Variants in CNP observed in about 807,000 individuals in gnomAD.
The protein encoded by CNP is 2',3'-cyclic-nucleotide 3'-phosphodiesterase.
A neutral mutation model predicts 37.9 loss-of-function variants in CNP; 8 were observed. The observed-to-expected ratio is 0.21, with a 90% CI of 0.12 to 0.38. The LOEUF (loss-of-function observed/expected upper bound fraction) is 0.38, where lower values mean the gene tolerates loss of function less well. Among genes scored for constraint, CNP ranks in the 10% least tolerant of loss-of-function variants. CNP has a pLI of 1.00. For missense variants in CNP, 457 were observed against 551.0 expected, an observed-to-expected ratio of 0.83 and a Z score of 1.71; for synonymous variants, 237 against 238.3, an observed-to-expected ratio of 0.99 and a Z score of 0.05.
intron 3 of CNP, 99 bp downstream of exon 3, chr17:41,972,130 A>G (rs2050999423): frequency 1.4e-6 from 2 of 1,439,924 alleles, no homozygotes; most frequent in African/African-American, 1.4e-5. Flanking sequence ...GCAGGGACCA[A>G]AAACCAGATG....
intron 1 of CNP, chr17:41,967,547 C>T (rs2144556811): frequency 3.9e-6 from 2 of 507,818 alleles, no homozygotes; most frequent in Non-Finnish European, 5.1e-6. Flanking sequence ...CAGTGCTCTC[C>T]TGCCCTGCCC....
At chr17:41,970,960 C>G (rs2050978300) in intron 2 of CNP, 1 of 152,214 alleles carries the variant, frequency 6.6e-6, no homozygotes, top group Non-Finnish European at 1.5e-5. Context: ...CCTTCCTGTA[C>G]CAGGAGGCCC....
Position 41,971,935 on chromosome 17 carries a change from C to G in CNP, c.720C>G (p.Thr240=). The G allele has an allele frequency of 6.2e-7, 1 of 1,613,896 alleles. No homozygotes were observed. The highest frequency in any genetic ancestry group is 8.5e-7 in the Non-Finnish European group (1 of 1,179,934). Residue 240 remains threonine (T), a synonymous_variant, in exon 3 of 4, where the codon ACC becomes ACG. Coordinates refer to ENST00000393892, the MANE Select transcript of CNP (RefSeq NM_033133.5). ...DEPREKMDLV[T]YFGKRPPGVL... is the part of the protein sequence containing the mutation. ...CCAGGGAGAAGATGGACTTGGTCAC[C>G]TACTTTGGAAAGAGACCCCCAGGCG...
In CNP at chr17:41,968,313, T is replaced by A. The variant is rs1555643227; in HGVS notation, c.249T>A (p.Ala83=). 6.2e-7 allele frequency: 1 copy of A among 1,614,108 alleles called. No individual in the cohort carries two copies. The highest frequency in any genetic ancestry group is 1.1e-5 in the South Asian group (1 of 91,070). Reference sequence around the variant, plus strand: ...GTGATGGCACCAAGATGGTGTCGGCTGACGCTTACAAGATCACCCCCGGCG... The same window carrying A: ...GTGATGGCACCAAGATGGTGTCGGCAGACGCTTACAAGATCACCCCCGGCG... ...KYRDGTKMVS[A]DAYKITPGAR... Residue 83 remains alanine (A), a synonymous_variant, in exon 2 of 4, where the codon GCT becomes GCA. Coordinates refer to ENST00000393892, the MANE Select transcript of CNP (RefSeq NM_033133.5). The surrounding 1 kb of genome is among the most constrained non-coding windows in gnomAD (Gnocchi z 4.8).
Position 41,973,590 on chromosome 17 carries a change from C to A in CNP, c.932C>A (p.Pro311Gln). 1 of 1,614,222 alleles carries A rather than the reference C, an allele frequency of 6.2e-7. No homozygotes were observed. Among genetic ancestry groups the A allele is most frequent in the Non-Finnish European group, 8.5e-7 (1 of 1,180,050 alleles). ...AGCGAGCAGCAACTGCAGTTGTGGC[C>A]GAGTGATGTGGACAAGCTGTCACCC... is the stretch of plus-strand genomic sequence containing the variant. ...ELSEQQLQLW[P>Q]SDVDKLSPTD... Residue 311 changes from proline to glutamine, a missense_variant, in exon 4 of 4, where the codon CCG becomes CAG. Pro to Gln is a moderately conservative substitution (Grantham distance 76). Coordinates refer to ENST00000393892, the MANE Select transcript of CNP (RefSeq NM_033133.5).
rs1467621136 is a variant in CNP at position 41,974,624 on chromosome 17, G to C, written c.*700G>C. 2.0e-5 allele frequency: 3 copies of C among 152,300 alleles called. No individual in the cohort carries two copies. The highest frequency in any genetic ancestry group is 7.2e-5 in the African/African-American group (3 of 41,426). The allele number at this position is 152,300 out of a possible 1,614,324, so 9.4% of individuals were successfully genotyped here. On this transcript the variant is annotated 3_prime_UTR_variant, in exon 4 of 4. Coordinates refer to ENST00000393892, the MANE Select transcript of CNP (RefSeq NM_033133.5). ...AAAAAGGAGCTTACCTCCCACCTTT[G>C]GTCCTAAGTCCCTGCCCCCTCCCCT...
In CNP at chr17:41,977,047, C is replaced by G; in HGVS notation, c.*3123C>G. ...AGTTAGAGATGCCTCCCTGACCCTG[C>G]AGAGATGCGGTGGCTAAAGGTCCCA... On this transcript the variant is annotated 3_prime_UTR_variant, in exon 4 of 4. Transcript: ENST00000393892. 1 of 648,544 alleles carries G rather than the reference C, an allele frequency of 1.5e-6. No individual in the cohort carries two copies. Among genetic ancestry groups the G allele is most frequent in the Non-Finnish European group, 2.6e-6 (1 of 377,966 alleles). 40.2% of individuals were successfully genotyped at this position (648,544 alleles called of 1,614,324 possible). A position where few individuals can be genotyped will look rare whatever the true frequency, so the allele number is the denominator to read the frequency against.
rs1460908297 is a variant in CNP at position 41,968,574 on chromosome 17, G to A, written c.510G>A (p.Ser170=). The change falls in exon 2 of 4, where the codon TCG becomes TCA. Residue 170 remains serine, a synonymous_variant. Transcript: ENST00000393892. The surrounding 1 kb of genome is among the most constrained non-coding windows in gnomAD (Gnocchi z 4.8). ...AGGAGAAGAACCAGTGGCAGCTGTC[G>A]GCTGATGACCTGAAGAAGCTGAAGC... ...QLKEKNQWQL[S]ADDLKKLKPG... is the part of the protein sequence containing the mutation. 1.9e-6 allele frequency: 3 copies of A among 1,613,916 alleles called. No homozygotes were observed. The highest frequency in any genetic ancestry group is 1.6e-4 in the Middle Eastern group (1 of 6,084).
chr17:41,974,772 A>AGTGGCCTG lies in CNP; in HGVS notation c.*850_*857dup, dbSNP rs1358988140. ...AGGGGCTGGACTGGCTGTCCTTTCCAGTGGCCTGGCTCCGCTGTGTGGATG... is the reference window on the plus strand; with the variant it reads ...AGGGGCTGGACTGGCTGTCCTTTCCAGTGGCCTGGTGGCCTGGCTCCGCTGTGTGGATG... On this transcript the variant is annotated 3_prime_UTR_variant, in exon 4 of 4. Transcript: ENST00000393892. 6.6e-6 allele frequency: 1 copy of AGTGGCCTG among 152,482 alleles called. No homozygotes were observed. Among genetic ancestry groups the AGTGGCCTG allele is most frequent in the African/African-American group, 2.4e-5 (1 of 41,448 alleles). The allele number at this position is 152,482 out of a possible 1,614,324, so 9.4% of individuals were successfully genotyped here.
Position 41,976,203 on chromosome 17 carries a change from C to T in CNP, c.*2279C>T. 6.3e-6 allele frequency: 1 copy of T among 159,382 alleles called. No homozygotes were observed. Among genetic ancestry groups the T allele is most frequent in the Non-Finnish European group, 1.4e-5 (1 of 73,538 alleles). 9.9% of individuals were successfully genotyped at this position (159,382 alleles called of 1,614,324 possible). On this transcript the variant is annotated 3_prime_UTR_variant, in exon 4 of 4. Transcript: ENST00000393892. ...TTCTGGGGCCCCACCGTAAAGTGAGCATGCTTTCTGAACTCGCTTCTCTGT... is the reference window on the plus strand; with the variant it reads ...TTCTGGGGCCCCACCGTAAAGTGAGTATGCTTTCTGAACTCGCTTCTCTGT...
chr17:41,972,375 C>T lies in CNP; in HGVS notation c.816+344C>T, dbSNP rs570116559. Among the ~76,000 whole-genome samples the T allele has an allele frequency of 5.3e-5, 8 of 152,088 alleles. 1 individual carries two copies. The South Asian group carries it at 1.2e-3, about 24-fold the overall frequency. On this transcript the variant is annotated intron_variant, in intron 3 of 3. Coordinates refer to ENST00000393892, the MANE Select transcript of CNP (RefSeq NM_033133.5). ...TACCTTCCAAAGACTAGGAGTCCTT[C>T]GCCCCCAGGGAGCCTGGTGCACTGA... is the stretch of plus-strand genomic sequence containing the variant.
rs373934446 is a variant in CNP, at chr17:41,976,298, G to A, written c.*2374G>A. On this transcript the variant is annotated 3_prime_UTR_variant, in exon 4 of 4. Transcript: ENST00000393892. ...AGCACTCACATGCTGGACAGGTCTG[G>A]GAGAGGCAGAGTGCCCCACCTGCCA... The A allele has an allele frequency of 1.4e-3, 302 of 211,024 alleles. 11 individuals are homozygous for A. In the South Asian group the frequency reaches 0.017, roughly 12 times the overall value. The allele number at this position is 211,024 out of a possible 1,614,324, so 13.1% of individuals were successfully genotyped here.
rs896828998 is a variant in CNP at position 41,968,716 on chromosome 17, G to T, written c.652G>T (p.Ala218Ser). ...CCTGGAAGAGCTGGGGAACCACAAG[G>T]CCTTCAAGAAGGAGCTGCGACAATG... ...VFLEELGNHK[A>S]FKKELRQFVP... is the part of the protein sequence containing the mutation. The change falls in exon 2 of 4, where the codon GCC becomes TCC. Residue 218 changes from alanine (A) to serine (S), a missense_variant. Physicochemically the swap from Ala to Ser is moderately conservative, Grantham distance 99. Coordinates refer to ENST00000393892, the MANE Select transcript of CNP (RefSeq NM_033133.5). This position sits in a 1 kb window ranked among gnomAD's most constrained non-coding sequence, Gnocchi z 4.8. The T allele has an allele frequency of 1.9e-5, 31 of 1,611,690 alleles. No homozygotes were observed. The highest frequency in any genetic ancestry group is 2.5e-5 in the Non-Finnish European group (29 of 1,178,492).
At position 41,969,578 on chromosome 17, in the gene CNP, C is replaced by T. The variant is rs782695145; in HGVS notation, c.676+838C>T. The stretch of plus-strand genomic sequence containing the variant: ...TTTTATTTATTTATTTATTGTGACA[C>T]GGAGTCTCCCTCTGTTGCCCAGGCT... On this transcript the variant is annotated intron_variant, in intron 2 of 3. Transcript: ENST00000393892. Among the ~76,000 whole-genome samples, 7 of 152,254 alleles carry T rather than the reference C, an allele frequency of 4.6e-5. No individual in the cohort carries two copies. The South Asian group carries it at 1.0e-3, about 23-fold the overall frequency.
At chr17:41,973,364 C>T in intron 3 of CNP, 111 bp from the exon 4 acceptor site, 1 of 1,025,142 alleles carries the variant, frequency 9.8e-7, no homozygotes, top group South Asian at 1.5e-5. Flanking sequence ...CAGCTGTGCT[C>T]ACTTCTGTTA....
chr17:41,966,827 G>C lies in CNP; in HGVS notation c.-58G>C, dbSNP rs2050902124. On this transcript the variant is annotated 5_prime_UTR_variant, in exon 1 of 4. Coordinates refer to ENST00000393892, the MANE Select transcript of CNP (RefSeq NM_033133.5). ...GACTCCCGTGTCCCTCCGCGCAGGC[G>C]GGCGGCCCCGGAGCGCTGGTGCCGG... The C allele has an allele frequency of 1.5e-6, 2 of 1,378,054 alleles. No individual in the cohort carries two copies. Among genetic ancestry groups the C allele is most frequent in the Non-Finnish European group, 1.9e-6 (2 of 1,067,264 alleles). 85.4% of individuals were successfully genotyped at this position (1,378,054 alleles called of 1,614,324 possible).
rs782532165 is a variant in CNP, at chr17:41,973,673, G to T, written c.1015G>T (p.Val339Leu). 1 of 1,613,872 alleles carries T rather than the reference G, an allele frequency of 6.2e-7. No individual in the cohort carries two copies. The highest frequency in any genetic ancestry group is 1.3e-5 in the African/African-American group (1 of 74,948). Residue 339 changes from valine (V) to leucine (L), a missense_variant, in exon 4 of 4, where the codon GTA becomes TTA. This residue lies in a region of CNP where 291 missense variants were observed against 291.7 expected (regional missense o/e 1.00). Coordinates refer to ENST00000393892, the MANE Select transcript of CNP (RefSeq NM_033133.5). ...CATCACCCTCGGCTGTGCAGCTGACGTAGAGGCCGTGCAGACGGGCCTTGA... is the reference window on the plus strand; with the variant it reads ...CATCACCCTCGGCTGTGCAGCTGACTTAGAGGCCGTGCAGACGGGCCTTGA... ...AHITLGCAAD[V>L]EAVQTGLDLL...
intron 2 of CNP, among the ~76,000 whole-genome samples, chr17:41,969,950 C>G (rs1555643554): frequency 6.6e-6 from 1 of 152,192 alleles, no homozygotes; most frequent in East Asian, 1.9e-4. Context: ...GAATTTGTGC[C>G]TGTATGGGTT....
rs142413251 is a variant in CNP, at chr17:41,971,886, C to T, written c.677-6C>T. 1.4e-5 allele frequency: 23 copies of T among 1,613,598 alleles called. No homozygotes were observed. The highest frequency in any genetic ancestry group is 4.5e-5 in the East Asian group (2 of 44,830). On this transcript the variant is annotated splice_polypyrimidine_tract_variant and splice_region_variant and intron_variant, in intron 2 of 3. Coordinates refer to ENST00000393892, the MANE Select transcript of CNP (RefSeq NM_033133.5). ...TGCCCTGACTGCACCCGTTTTCTCC[C>T]GGCAGTCGTCCCTGGGGATGAGCCC...
Sources: allele counts gnomAD v4.1 joint callset (sites outside exome capture counted in the v4.1 genomes callset), GRCh38; gene constraint gnomAD v4.1.1; regional missense constraint gnomAD v4.1.1; non-coding constraint Gnocchi (gnomAD v3.1); transcripts MANE v1.5; gene names NCBI Gene and HGNC (gene_info 2026-07-23, HGNC 2026-07-21).